The following CCAR1 variants were observed in gnomAD, a reference collection of about 807,000 sequenced individuals.
CCAR1 encodes cell division cycle and apoptosis regulator 1, also known as cell division cycle and apoptosis regulator protein 1.
A neutral mutation model predicts 163.8 loss-of-function variants in CCAR1; 78 were observed. The observed-to-expected ratio is 0.48, with a 90% CI of 0.40 to 0.57. CCAR1 has a LOEUF of 0.57. CCAR1 is among the 20% of genes least tolerant of loss of function. The probability of loss-of-function intolerance (pLI) is 0.00; values close to 1 mark genes in which losing one functional copy is unlikely to be tolerated. For missense variants in CCAR1, 1,019 were observed against 1,365.2 expected (o/e 0.75, Z 4.00); for synonymous variants, 443 against 460.7 (o/e 0.96, Z 0.49).
chr10:68,744,164 C>T (rs909106889), intron 6 of CCAR1, among the ~76,000 whole-genome samples: 2 of 152,172 alleles, frequency 1.3e-5, no homozygotes, highest in Non-Finnish European at 2.9e-5. Flanking sequence ...GGATTATAGG[C>T]GTGAACCACT....
intron 19 of CCAR1, among the ~76,000 whole-genome samples, chr10:68,773,353 C>T (rs1250032640): frequency 6.6e-6 from 1 of 151,948 alleles, no homozygotes; most frequent in Non-Finnish European, 1.5e-5. Context: ...GAACATGGTG[C>T]CTAAGCTGTG....
At position 68,749,629 on chromosome 10, in the gene CCAR1, A is replaced by C. The variant is rs751888685; in HGVS notation, c.1062A>C (p.Arg354Ser). 6.2e-7 allele frequency: 1 copy of C among 1,613,982 alleles called. No homozygotes were observed. Among genetic ancestry groups the C allele is most frequent in the Non-Finnish European group, 8.5e-7 (1 of 1,179,880 alleles). ...GAGAGCGAGAGCGATCACCTCGGAG[A>C]GTTCGACGTGTTGTTCCACGTTACA... Reference protein sequence around the residue: ...PRRERERSPRRVRRVVPRYTV... With the variant: ...PRRERERSPRSVRRVVPRYTV... Residue 354 changes from arginine (R) to serine (S), a missense_variant, in exon 10 of 25, where the codon AGA (arginine) becomes AGC (serine). By Grantham distance (110) the Arg-to-Ser change is moderately radical. Around this residue, in one of 4 missense-constraint regions of CCAR1, gnomAD observed 644 missense variants for 904.4 expected, o/e 0.71. Transcript: ENST00000265872.
intron 12 of CCAR1, 97 bp downstream of exon 12, chr10:68,754,924 TTGATTAA>T: frequency 1.5e-6 from 1 of 683,254 alleles, no homozygotes; most frequent in Non-Finnish European, 2.5e-6. Context: ...TTAATATTTG[TTGATTAA>T]TGAGTAATTT....
At chr10:68,785,359 T>A (rs1160085245) in intron 19 of CCAR1, among the ~76,000 whole-genome samples, 1 of 152,012 alleles carries the variant, frequency 6.6e-6, no homozygotes, top group Non-Finnish European at 1.5e-5. Context: ...CAACTGGGAC[T>A]ACAGGCGTGT....
In CCAR1 at chr10:68,776,236, T is replaced by G. The variant is rs185892867; in HGVS notation, c.2650+3137T>G. ...TTAATTCTCAAATTTCTAATTTTCT[T>G]TTTCTTTTCTTTTCTTTTCTTTTTT... On this transcript the variant is annotated intron_variant, in intron 19 of 24. Coordinates refer to ENST00000265872, the MANE Select transcript of CCAR1 (RefSeq NM_018237.4). 2.9e-3 allele frequency among the ~76,000 whole-genome samples: 417 copies of G among 142,690 alleles called. 3 individuals carry two copies. Among genetic ancestry groups the G allele is most frequent in the African/African-American group, 0.012 (389 of 33,366 alleles). 93.6% of individuals were successfully genotyped at this position (142,690 alleles called of 152,430 possible). A position where few individuals can be genotyped will look rare whatever the true frequency, so the allele number is the denominator to read the frequency against.
intron 2 of CCAR1, among the ~76,000 whole-genome samples, chr10:68,729,612 C>T (rs1436766999): frequency 6.6e-6 from 1 of 151,388 alleles, no homozygotes; most frequent in African/African-American, 2.4e-5. Context: ...GAGAGGGTCG[C>T]TTGATTCCAG....
chr10:68,757,338 A>G lies in CCAR1; in HGVS notation c.1881A>G (p.Thr627=), dbSNP rs770202635. ...ATGGTGAAGCTAAAGAAATTTCTAC[A>G]CCTACCCATTGGTCTAAACTTGATC... ...KDDGEAKEIS[T]PTHWSKLDPK... is the part of the protein sequence containing the mutation. Residue 627 remains threonine (T), a synonymous_variant, in exon 15 of 25, where the codon ACA becomes ACG. Transcript: ENST00000265872. 6.3e-6 allele frequency: 10 copies of G among 1,591,286 alleles called. No individual in the cohort carries two copies. In the African/African-American group the frequency reaches 8.1e-5, roughly 13 times the overall value.
In CCAR1 at chr10:68,784,792, G is replaced by T. The variant is rs142908625; in HGVS notation, c.2651-1344G>T. On this transcript the variant is annotated intron_variant, in intron 19 of 24. Transcript: ENST00000265872. ...AGGCAAGATCCTTTACCAGCAAAAG[G>T]ATTACTGCTTGCCAAAGGCTCAGGT... 3.3e-3 allele frequency among the ~76,000 whole-genome samples: 495 copies of T among 152,186 alleles called. 4 individuals are homozygous for T. Among genetic ancestry groups the T allele is most frequent in the African/African-American group, 0.012 (484 of 41,532 alleles).
At chr10:68,781,504 C>T (rs977094414) in intron 19 of CCAR1, among the ~76,000 whole-genome samples, 17 of 152,042 alleles carry the variant, frequency 1.1e-4, no homozygotes, top group South Asian at 2.1e-4. Flanking sequence ...TCATGCCATA[C>T]GCTCCAGCCT....
chr10:68,737,755 TTGTA>T (rs2056130752), intron 3 of CCAR1, 86 bp from the exon 4 acceptor site: 11 of 668,876 alleles, frequency 1.6e-5, no homozygotes, highest in Non-Finnish European at 2.0e-5. Context: ...TTTAGTGTAA[TTGTA>T]TGTATTTCTA....
rs778091068 is a variant in CCAR1, at chr10:68,747,569, A to G, written c.826+3A>G. On this transcript the variant is annotated splice_donor_region_variant and intron_variant, in intron 8 of 24. Transcript: ENST00000265872. ...ATTACAGCAGCCTCAGCAAAAAGGT[A>G]TCTTTGCTTTTGTTTCAGGCAAATG... 3 of 1,607,708 alleles carry G rather than the reference A, an allele frequency of 1.9e-6. No homozygotes were observed. Among genetic ancestry groups the G allele is most frequent in the Admixed American group, 1.7e-5 (1 of 59,370 alleles).
chr10:68,753,614 C>T (rs909671311), intron 10 of CCAR1, among the ~76,000 whole-genome samples: 1 of 152,028 alleles, frequency 6.6e-6, no homozygotes. Flanking sequence ...TCTTCTGTAA[C>T]AAAAAGTATC....
chr10:68,771,111 G>T, intron 17 of CCAR1, 95 bp from the exon 18 acceptor site: 2 of 1,063,432 alleles, frequency 1.9e-6, no homozygotes, highest in Non-Finnish European at 1.4e-6. Context: ...TTACATAATC[G>T]TTGTATGTGG....
intron 19 of CCAR1, among the ~76,000 whole-genome samples, chr10:68,784,991 C>A (rs12263155): frequency 0.076 from 11,191 of 148,110 alleles, 1,184 homozygotes; most frequent in African/African-American, 0.24. Context: ...AATCTCGGCT[C>A]ACTACAAGCT....
intron 18 of CCAR1, among the ~76,000 whole-genome samples, chr10:68,772,054 T>C (rs1333246522): frequency 6.6e-6 from 1 of 151,850 alleles, no homozygotes; most frequent in Non-Finnish European, 1.5e-5. Context: ...TGTTTGTTTG[T>C]TTTTTGTTTT....
rs1040446451 is a variant in CCAR1, at chr10:68,792,237, G to A, written c.*971G>A. On this transcript the variant is annotated 3_prime_UTR_variant, in exon 25 of 25. Transcript: ENST00000265872. ...TTAATTTTTCTACTTTCCCAGAATA[G>A]CATCTATATTCCTTTTAATTTTGAG... 1.3e-5 allele frequency: 2 copies of A among 151,898 alleles called. No individual in the cohort carries two copies. The highest frequency in any genetic ancestry group is 4.8e-5 in the African/African-American group (2 of 41,330). The allele number at this position is 151,898 out of a possible 1,614,324, so 9.4% of individuals were successfully genotyped here. A position where few individuals can be genotyped will look rare whatever the true frequency, so the allele number is the denominator to read the frequency against.
intron 18 of CCAR1, among the ~76,000 whole-genome samples, chr10:68,772,398 G>A (rs2056614428): frequency 6.6e-6 from 1 of 151,884 alleles, no homozygotes; most frequent in Non-Finnish European, 1.5e-5. Context: ...CAGGAGGATT[G>A]CCTGAACCCA....
intron 1 of CCAR1, chr10:68,721,680 C>G: frequency 2.5e-6 from 1 of 396,996 alleles, no homozygotes; most frequent in Non-Finnish European, 5.1e-6. Flanking sequence ...GGTAAACGAG[C>G]CCAGGGCTCT....
At chr10:68,774,964 G>A (rs1183410518) in intron 19 of CCAR1, 1 of 383,614 alleles carries the variant, frequency 2.6e-6, no homozygotes, top group Non-Finnish European at 4.9e-6. Flanking sequence ...TGTGTCTCTG[G>A]CAATTACTTT....
Sources: gnomAD v4.1 joint callset for allele counts (sites outside exome capture counted in the v4.1 genomes callset) on GRCh38, gnomAD v4.1.1 for gene constraint, gnomAD v4.1.1 regional missense constraint, MANE v1.5 for transcripts, NCBI Gene and HGNC (gene_info 2026-07-23, HGNC 2026-07-21) for gene names.